Variants in HLCS observed in about 807,000 individuals in gnomAD.
HLCS encodes the protein holocarboxylase synthetase, also known as biotin--protein ligase.
HLCS carries 53 observed loss-of-function variants against 75.0 expected under a neutral mutation model. The observed-to-expected ratio is 0.71, with a 90% confidence interval of 0.57 to 0.89. The LOEUF is 0.89. Among genes scored for constraint, HLCS ranks in the 40% least tolerant of loss-of-function variants. The probability of loss-of-function intolerance (pLI) is 0.00; values close to 1 mark genes in which losing one functional copy is unlikely to be tolerated. For missense variants in HLCS, 966 were observed against 1,074.0 expected, an observed-to-expected ratio of 0.90 and a Z score of 1.41; for synonymous variants, 431 against 428.6, an observed-to-expected ratio of 1.01 and a Z score of -0.07.
rs149300173 is a variant in HLCS at position 36,929,951 on chromosome 21, A to C, written c.1620+300T>G. On this transcript the variant is annotated intron_variant, in intron 5 of 10. Coordinates refer to ENST00000674895, the MANE Select transcript of HLCS (RefSeq NM_001352514.2). ...TCAAAACAAATGTTTTCAATCCCAA[A>C]TGAATAAAGTTACAGTCTGAATATA... Among the ~76,000 whole-genome samples the C allele has an allele frequency of 1.2e-4, 19 of 152,360 alleles. No homozygotes were observed. The East Asian group carries it at 3.3e-3, about 26-fold the overall frequency.
rs948998036 is a variant in HLCS, at chr21:36,884,449, T to A, written c.1892+12411A>T. Among the ~76,000 whole-genome samples the A allele has an allele frequency of 7.2e-5, 11 of 152,250 alleles. No homozygotes were observed. In the South Asian group the frequency reaches 2.1e-3, roughly 29 times the overall value. On this transcript the variant is annotated intron_variant, in intron 6 of 10. Coordinates refer to ENST00000674895, the MANE Select transcript of HLCS (RefSeq NM_001352514.2). ...GCCCAGTGGGAAACCAGACTTCTAATAAACTCAGGCTGGTTATTCCAAGGT... is the reference window on the plus strand; with the variant it reads ...GCCCAGTGGGAAACCAGACTTCTAAAAAACTCAGGCTGGTTATTCCAAGGT...
chr21:36,819,955 A>C (rs1259844127), intron 6 of HLCS, among the ~76,000 whole-genome samples: 4 of 152,232 alleles, frequency 2.6e-5, no homozygotes, highest in Non-Finnish European at 5.9e-5. Flanking sequence ...TGAATAAATA[A>C]AAAAGAGCCA....
chr21:36,855,072 T>C (rs1190823274), intron 6 of HLCS, among the ~76,000 whole-genome samples: 1 of 152,152 alleles, frequency 6.6e-6, no homozygotes, highest in Non-Finnish European at 1.5e-5. Context: ...AGCCATCATA[T>C]TCATGTTTTT....
At chr21:36,892,375 C>T (rs913276862) in intron 6 of HLCS, among the ~76,000 whole-genome samples, 4 of 152,196 alleles carry the variant, frequency 2.6e-5, no homozygotes, top group Admixed American at 2.0e-4. Flanking sequence ...ACATAGTGGC[C>T]GCCAGTGCAG....
rs1173267062 is a variant in HLCS, at chr21:36,767,256, C to T, written c.1922G>A (p.Gly641Asp). ...CTGCCGGGCCGCGATCACTATTAAG[C>T]CCATTTCCTGCGGTGTCTGAAACAT... Reference protein sequence around the residue: ...GLMFQTPQEMGLIVIAARQTE... With the variant: ...GLMFQTPQEMDLIVIAARQTE... The change falls in exon 7 of 11, where the codon GGC becomes GAC. Residue 641 changes from glycine to aspartate, a missense_variant. Physicochemically the swap from Gly to Asp is moderately conservative, Grantham distance 94. Transcript: ENST00000674895. The T allele has an allele frequency of 3.7e-6, 6 of 1,614,088 alleles. No individual in the cohort carries two copies. The Admixed American group carries it at 5.0e-5, about 13-fold the overall frequency.
chr21:36,932,264 G>C (rs761192513), intron 4 of HLCS, among the ~76,000 whole-genome samples: 3 of 152,176 alleles, frequency 2.0e-5, no homozygotes, highest in Non-Finnish European at 2.9e-5. Flanking sequence ...TTTGTGACCA[G>C]AAATACACTA....
intron 4 of HLCS, among the ~76,000 whole-genome samples, chr21:36,932,168 T>TA (rs1489362976): frequency 6.6e-6 from 1 of 152,258 alleles, no homozygotes; most frequent in Non-Finnish European, 1.5e-5. Flanking sequence ...TCTTTGTTTT[T>TA]ATTAATCTTT....
intron 6 of HLCS, among the ~76,000 whole-genome samples, chr21:36,772,437 G>A (rs1157177890): frequency 2.0e-5 from 3 of 151,810 alleles, no homozygotes; most frequent in Non-Finnish European, 4.4e-5. Flanking sequence ...AGGAGTTCAA[G>A]AGCAGCTTAG....
chr21:36,913,879 G>C (rs1488692008), intron 5 of HLCS, among the ~76,000 whole-genome samples: 1 of 152,166 alleles, frequency 6.6e-6, no homozygotes, highest in Non-Finnish European at 1.5e-5. Context: ...ATGTAAGTGA[G>C]CTACTGCTGA....
intron 6 of HLCS, among the ~76,000 whole-genome samples, chr21:36,839,378 GC>G (rs34276663): frequency 0.27 from 41,189 of 152,112 alleles, 5,783 homozygotes; most frequent in Middle Eastern, 0.34. Context: ...CTGGGAAGAG[GC>G]CTGACTCTGA....
At chr21:36,966,389 C>T in intron 1 of HLCS, 55 bp downstream of exon 1, 3 of 676,624 alleles carry the variant, frequency 4.4e-6, no homozygotes, top group Non-Finnish European at 5.5e-6. Context: ...GGCGCAGGGA[C>T]GGGGGCACTT....
At chr21:36,966,824 G>GT (rs2068625307), upstream of HLCS, among the ~76,000 whole-genome samples, 1 of 147,058 alleles carries the variant, frequency 6.8e-6, no homozygotes, top group Non-Finnish European at 1.5e-5. Flanking sequence ...GAGGGGCGGG[G>GT]GGGGGTGAGG....
intron 6 of HLCS, among the ~76,000 whole-genome samples, chr21:36,888,442 AAAAATATATATATATAT>A (rs1224260974): frequency 0.01 from 326 of 31,534 alleles, 6 homozygotes; most frequent in African/African-American, 0.019. Context: ...TAAAAAAAAA[AAAAATATATATATATAT>A]ATATATATAT....
intron 6 of HLCS, among the ~76,000 whole-genome samples, chr21:36,801,810 T>TA (rs1046074605): frequency 7.2e-5 from 11 of 152,058 alleles, no homozygotes; most frequent in African/African-American, 2.7e-4. Context: ...TTTTAATTTC[T>TA]TTTATAGAGA....
intron 5 of HLCS, among the ~76,000 whole-genome samples, chr21:36,902,726 A>T (rs1037768509): frequency 6.6e-6 from 1 of 152,182 alleles, no homozygotes; most frequent in Non-Finnish European, 1.5e-5. Context: ...TGAGAAGACG[A>T]ATGCAGTGGG....
chr21:36,976,294 G>A (rs114090960), intron 1 of HLCS, among the ~76,000 whole-genome samples: 3,725 of 152,192 alleles, frequency 0.024, 133 homozygotes, highest in African/African-American at 0.085. Flanking sequence ...AACCTGCTCT[G>A]AAAACAGAGG....
intron 6 of HLCS, among the ~76,000 whole-genome samples, chr21:36,871,295 T>TA (rs2063761133): frequency 6.6e-6 from 1 of 152,182 alleles, no homozygotes; most frequent in African/African-American, 2.4e-5. Context: ...TTTTGGTACT[T>TA]AGAGTACCCC....
intron 5 of HLCS, among the ~76,000 whole-genome samples, chr21:36,928,741 G>A (rs895259278): frequency 4.6e-5 from 7 of 152,132 alleles, no homozygotes; most frequent in Non-Finnish European, 7.3e-5. Context: ...TGGAGGGCCC[G>A]CAATGGGAAG....
At chr21:36,807,908 A>T (rs1049852148) in intron 6 of HLCS, among the ~76,000 whole-genome samples, 2 of 152,200 alleles carry the variant, frequency 1.3e-5, no homozygotes, top group African/African-American at 4.8e-5. Context: ...CACTTAGAAA[A>T]TCTAAAAGAA....
Sources: gnomAD v4.1 joint callset for allele counts (sites outside exome capture counted in the v4.1 genomes callset) on GRCh38, gnomAD v4.1.1 for gene constraint, MANE v1.5 for transcripts, NCBI Gene and HGNC (gene_info 2026-07-23, HGNC 2026-07-21) for gene names.